Variants in ALDH2 observed in about 807,000 individuals in gnomAD.
ALDH2 encodes aldehyde dehydrogenase, mitochondrial.
Under a neutral mutation model 59.6 loss-of-function variants are expected in ALDH2, and 44 were observed. The observed-to-expected ratio is 0.74, with a 90% CI of 0.58 to 0.95. The LOEUF is 0.95. ALDH2 is among the 40% of genes least tolerant of loss of function. The probability of loss-of-function intolerance (pLI) is 0.00; values close to 1 mark genes in which losing one functional copy is unlikely to be tolerated. For missense variants in ALDH2, 570 were observed against 696.3 expected, an observed-to-expected ratio of 0.82 and a Z score of 2.04; for synonymous variants, 291 against 284.0, an observed-to-expected ratio of 1.02 and a Z score of -0.25.
rs1447662285 is a variant in ALDH2, at chr12:111,813,208, T to A, written c.*3633T>A. On this transcript the variant is annotated 3_prime_UTR_variant, in exon 13 of 13. Transcript: ENST00000261733. Reference sequence around the variant, plus strand: ...GGATGTGGGTCAGTCACAGGAGTATTAGGTGTAAAGCCGCTGCTTCTGGGT... The same window carrying A: ...GGATGTGGGTCAGTCACAGGAGTATAAGGTGTAAAGCCGCTGCTTCTGGGT... The A allele has an allele frequency of 1.3e-5, 2 of 152,156 alleles. No individual in the cohort carries two copies. Among genetic ancestry groups the A allele is most frequent in the African/African-American group, 4.8e-5 (2 of 41,424 alleles). The allele number at this position is 152,156 out of a possible 1,614,324, so 9.4% of individuals were successfully genotyped here.
intron 1 of ALDH2, 86 bp downstream of exon 1, chr12:111,767,182 T>G: frequency 9.0e-7 from 1 of 1,105,838 alleles, no homozygotes; most frequent in Non-Finnish European, 1.2e-6. Flanking sequence ...GCCGTGGGCC[T>G]TAGTGTACTC....
At chr12:111,783,108 G>A (rs778921284) in intron 2 of ALDH2, 50 bp from the exon 3 acceptor site, 3 of 1,584,878 alleles carry the variant, frequency 1.9e-6, no homozygotes, top group Non-Finnish European at 2.6e-6. Context: ...GGTTATTACT[G>A]AGAAGACCTG....
chr12:111,803,769 A>T, intron 11 of ALDH2, 90 bp from the exon 12 acceptor site: 1 of 843,384 alleles, frequency 1.2e-6, no homozygotes, highest in Non-Finnish European at 1.6e-6. Flanking sequence ...GTTAAAAATA[A>T]AATAAAGACT....
intron 12 of ALDH2, among the ~76,000 whole-genome samples, chr12:111,804,493 C>G (rs2068478226): frequency 6.6e-6 from 1 of 152,160 alleles, no homozygotes; most frequent in African/African-American, 2.4e-5. Flanking sequence ...CACCTGTAAT[C>G]CCAGCACTTT....
rs538622061 is a variant in ALDH2 at position 111,773,998 on chromosome 12, A to G, written c.114+6902A>G. Among the ~76,000 whole-genome samples the G allele has an allele frequency of 3.9e-4, 60 of 152,362 alleles. 1 individual carries two copies. The highest frequency in any genetic ancestry group is 1.5e-4 in the Non-Finnish European group (10 of 68,032). On this transcript the variant is annotated intron_variant, in intron 1 of 12. Transcript: ENST00000261733. ...TTTGGAAGTTTAAAAGAGTGGGAAC[A>G]TGGGGACGCATAGGGAGTGGTGAAA...
At chr12:111,783,089 T>C in intron 2 of ALDH2, 69 bp from the exon 3 acceptor site, 2 of 1,554,192 alleles carry the variant, frequency 1.3e-6, no homozygotes, top group Non-Finnish European at 1.7e-6. Context: ...TGTGTTTGTA[T>C]TCGGACCTGG....
chr12:111,804,175 G>C (rs1300322640), intron 12 of ALDH2, among the ~76,000 whole-genome samples: 1 of 152,112 alleles, frequency 6.6e-6, no homozygotes, highest in African/African-American at 2.4e-5. Context: ...TCTGCTGGGC[G>C]GGCCACCTTT....
rs1485335978 is a variant in ALDH2 at position 111,790,469 on chromosome 12, G to A, written c.588G>A (p.Leu196=). 4 of 1,614,150 alleles carry A rather than the reference G, an allele frequency of 2.5e-6. No individual in the cohort carries two copies. The highest frequency in any genetic ancestry group is 1.7e-5 in the Admixed American group (1 of 60,010). The change falls in exon 6 of 13, where the codon CTG becomes CTA. Residue 196 remains leucine (L), a synonymous_variant. Transcript: ENST00000261733. ...NFPLLMQAWK[L]GPALATGNVV... ...CGCTCCTGATGCAAGCATGGAAGCT[G>A]GGCCCAGCCTTGGCAACTGGAAACG... is the stretch of plus-strand genomic sequence containing the variant.
rs1398604885 is a variant in ALDH2, at chr12:111,811,260, A to C, written c.*1685A>C. 1 of 151,234 alleles carries C rather than the reference A, an allele frequency of 6.6e-6. No individual in the cohort carries two copies. Among genetic ancestry groups the C allele is most frequent in the Non-Finnish European group, 1.5e-5 (1 of 67,960 alleles). The allele number at this position is 151,234 out of a possible 1,614,324, so 9.4% of individuals were successfully genotyped here. ...GCTACTCAGGAGGCTGAGGCAGGAG[A>C]ATTGCTTGAACCTGGGAGGCAGAGG... On this transcript the variant is annotated 3_prime_UTR_variant, in exon 13 of 13. Coordinates refer to ENST00000261733, the MANE Select transcript of ALDH2 (RefSeq NM_000690.4).
chr12:111,804,023 C>A, intron 12 of ALDH2, 50 bp downstream of exon 12: 1 of 1,369,020 alleles, frequency 7.3e-7, no homozygotes, highest in African/African-American at 1.5e-5. Flanking sequence ...GCTTGAGGGT[C>A]TGCTGGTGGC....
chr12:111,803,809 T>C (rs145528471), intron 11 of ALDH2, 50 bp from the exon 12 acceptor site: 2 of 1,359,454 alleles, frequency 1.5e-6, no homozygotes, highest in African/African-American at 2.9e-5. Flanking sequence ...CCTGGGAGTG[T>C]AACCCATAAC....
At chr12:111,780,659 C>T (rs556863608) in intron 1 of ALDH2, among the ~76,000 whole-genome samples, 3 of 152,314 alleles carry the variant, frequency 2.0e-5, no homozygotes, top group African/African-American at 4.8e-5. Flanking sequence ...TTCTTCCCTT[C>T]GCCTTCATCT....
chr12:111,804,993 C>CT (rs1286960965), intron 12 of ALDH2, among the ~76,000 whole-genome samples: 3 of 152,044 alleles, frequency 2.0e-5, no homozygotes, highest in African/African-American at 7.2e-5. Context: ...TGCTTTATCT[C>CT]TAAGAGGGGA....
intron 4 of ALDH2, among the ~76,000 whole-genome samples, chr12:111,789,065 T>C (rs1216838569): frequency 6.8e-6 from 1 of 146,178 alleles, no homozygotes; most frequent in Non-Finnish European, 1.5e-5. Context: ...TTGCCCAGGC[T>C]GGAGTACAGT....
intron 9 of ALDH2, among the ~76,000 whole-genome samples, 163 bp downstream of exon 9, chr12:111,792,945 C>T (rs2068374953): frequency 1.3e-5 from 2 of 152,074 alleles, no homozygotes; most frequent in Admixed American, 1.3e-4. Flanking sequence ...CCTTCATTTC[C>T]CCATCCCGAG....
rs991833974 is a variant in ALDH2, at chr12:111,814,328, C to T, written c.*4753C>T. On this transcript the variant is annotated 3_prime_UTR_variant, in exon 13 of 13. Transcript: ENST00000261733. ...CGCCACTGCACTCTATCCTGGGTGA[C>T]AGAGTGAGACTCTGTCTCCAAAAAA... The T allele has an allele frequency of 6.7e-6, 1 of 149,882 alleles. No homozygotes were observed. The highest frequency in any genetic ancestry group is 1.5e-5 in the Non-Finnish European group (1 of 67,692). 9.3% of individuals were successfully genotyped at this position (149,882 alleles called of 1,614,324 possible).
At chr12:111,795,853 A>C (rs1333594328) in intron 9 of ALDH2, among the ~76,000 whole-genome samples, 1 of 151,988 alleles carries the variant, frequency 6.6e-6, no homozygotes, top group Non-Finnish European at 1.5e-5. Flanking sequence ...AGCTTCCCAA[A>C]GTGCTGAGAT....
intron 1 of ALDH2, among the ~76,000 whole-genome samples, chr12:111,776,283 T>C (rs908902928): frequency 7.9e-5 from 12 of 152,200 alleles, no homozygotes; most frequent in Non-Finnish European, 1.5e-4. Context: ...CTAAGAATCT[T>C]TAAGCTACGA....
At chr12:111,804,005 C>T in intron 12 of ALDH2, 32 bp downstream of exon 12, 1 of 1,515,004 alleles carries the variant, frequency 6.6e-7, no homozygotes, top group Non-Finnish European at 9.0e-7. Flanking sequence ...GGCTCAGGGC[C>T]TGTTGGGGCT....
Sources: gnomAD v4.1 joint callset for allele counts (sites outside exome capture counted in the v4.1 genomes callset) on GRCh38, gnomAD v4.1.1 for gene constraint, MANE v1.5 for transcripts, NCBI Gene and HGNC (gene_info 2026-07-23, HGNC 2026-07-21) for gene names.